The following SPTA1 variants were observed in gnomAD, a reference collection of about 807,000 sequenced individuals.
The protein encoded by SPTA1 is spectrin alpha chain, erythrocytic 1.
Under a neutral mutation model 324.7 loss-of-function variants are expected in SPTA1, and 177 were observed. The observed-to-expected ratio is 0.55, with a 90% CI of 0.48 to 0.62. SPTA1 has a LOEUF of 0.62. SPTA1 is among the 20% of genes least tolerant of loss of function. The probability of loss-of-function intolerance (pLI) is 0.00; values close to 1 mark genes in which losing one functional copy is unlikely to be tolerated. For missense variants in SPTA1, 3,162 were observed against 2,883.6 expected (o/e 1.10, Z -2.21); for synonymous variants, 1,195 against 1,041.3 (o/e 1.15, Z -2.84).
intron 24 of SPTA1, among the ~76,000 whole-genome samples, chr1:158,650,151 T>G (rs1406322756): frequency 6.6e-6 from 1 of 152,226 alleles, no homozygotes; most frequent in East Asian, 1.9e-4. Context: ...CTTCCCAAAC[T>G]GATGTTAAAG....
At chr1:158,639,550 G>T (rs1651366609) in intron 35 of SPTA1, 32 bp downstream of exon 35, 1 of 1,601,360 alleles carries the variant, frequency 6.2e-7, no homozygotes, top group Non-Finnish European at 8.6e-7. Flanking sequence ...TTTCTATTCT[G>T]CCCAGAGGAG....
intron 18 of SPTA1, among the ~76,000 whole-genome samples, chr1:158,660,484 T>C (rs1386901959): frequency 6.6e-6 from 1 of 152,186 alleles, no homozygotes; most frequent in Non-Finnish European, 1.5e-5. Flanking sequence ...CAATACTAAA[T>C]GTATATGCAT....
At chr1:158,654,250 T>C (rs1652667741) in intron 21 of SPTA1, among the ~76,000 whole-genome samples, 2 of 152,182 alleles carry the variant, frequency 1.3e-5, no homozygotes, top group African/African-American at 4.8e-5. Context: ...GACATTGTTA[T>C]TTTATCACTA....
intron 44 of SPTA1, among the ~76,000 whole-genome samples, chr1:158,619,767 T>C (rs1445602290): frequency 6.6e-6 from 1 of 152,240 alleles, no homozygotes; most frequent in Non-Finnish European, 1.5e-5. Flanking sequence ...ATGAACATTA[T>C]TAACACAGAC....
intron 3 of SPTA1, 24 bp from the exon 4 acceptor site, chr1:158,681,691 A>C (rs1352448653): frequency 6.2e-7 from 1 of 1,613,106 alleles, no homozygotes; most frequent in Non-Finnish European, 8.5e-7. Flanking sequence ...GGGCAAAACC[A>C]CTCAGCCACA....
chr1:158,646,916 G>C (rs1348674684), intron 27 of SPTA1, among the ~76,000 whole-genome samples: 1 of 152,156 alleles, frequency 6.6e-6, no homozygotes, highest in African/African-American at 2.4e-5. Context: ...ATTTTGGATT[G>C]TGATAATGTC....
At chr1:158,682,286 A>G (rs1220353926) in intron 3 of SPTA1, among the ~76,000 whole-genome samples, 3 of 152,172 alleles carry the variant, frequency 2.0e-5, no homozygotes, top group Non-Finnish European at 2.9e-5. Context: ...ATATTTTTCA[A>G]CTACTCCATT....
At position 158,634,817 on chromosome 1, in the gene SPTA1, TAATAGGTGCCTAC is replaced by T. The variant is rs551298747; in HGVS notation, c.5433-155_5433-143del. The stretch of plus-strand genomic sequence containing the variant: ...AGTTGAAGTGGGCCTCAACACAGTA[TAATAGGTGCCTAC>T]TGCTCAGTGGTGAAGATCTGCTGTG... On this transcript the variant is annotated intron_variant, in intron 38 of 51. Coordinates refer to ENST00000643759, the MANE Select transcript of SPTA1 (RefSeq NM_003126.4). 13 of 899,482 alleles carry T rather than the reference TAATAGGTGCCTAC, an allele frequency of 1.4e-5. No homozygotes were observed. In the East Asian group the frequency reaches 2.1e-4, roughly 14 times the overall value. 55.7% of individuals were successfully genotyped at this position (899,482 alleles called of 1,614,324 possible). A position where few individuals can be genotyped will look rare whatever the true frequency, so the allele number is the denominator to read the frequency against.
chr1:158,615,180 G>A, intron 48 of SPTA1, 36 bp downstream of exon 48: 1 of 1,611,518 alleles, frequency 6.2e-7, no homozygotes, highest in Non-Finnish European at 8.5e-7. Flanking sequence ...AACACCACCT[G>A]CATCCCTCCC....
rs2298799 is a variant in SPTA1 at position 158,613,686 on chromosome 1, C to G, written c.6989+35G>C. The G allele has an allele frequency of 1.1e-3, 1,725 of 1,613,312 alleles. 39 individuals are homozygous for G. In the East Asian group the frequency reaches 0.034, roughly 32 times the overall value. ...TGTGCTTCTCCCTCCAAACCCCCAT[C>G]CCTGCTGCGGTCTGACCCTTAGTCT... On this transcript the variant is annotated intron_variant, in intron 50 of 51. Transcript: ENST00000643759.
intron 27 of SPTA1, among the ~76,000 whole-genome samples, chr1:158,647,184 C>T (rs761766319): frequency 1.3e-5 from 2 of 152,076 alleles, no homozygotes; most frequent in Non-Finnish European, 2.9e-5. Flanking sequence ...CTCTGAATTC[C>T]CACTGCTGTT....
chr1:158,685,367 T>TA lies in SPTA1; in HGVS notation c.25-21_25-20insT. On this transcript the variant is annotated intron_variant, in intron 1 of 51. Coordinates refer to ENST00000643759, the MANE Select transcript of SPTA1 (RefSeq NM_003126.4). ...CACAACCTGCAAGTTAAAAAGATTC[T>TA]GTTACTTGCTAGTTCTCAAATATTT... The TA allele has an allele frequency of 6.2e-7, 1 of 1,611,818 alleles. No homozygotes were observed. Among genetic ancestry groups the TA allele is most frequent in the Non-Finnish European group, 8.5e-7 (1 of 1,179,714 alleles).
chr1:158,637,377 C>A (rs1263643558), intron 36 of SPTA1, among the ~76,000 whole-genome samples: 1 of 152,188 alleles, frequency 6.6e-6, no homozygotes, highest in Non-Finnish European at 1.5e-5. Context: ...AATAATCAAG[C>A]AGCTTTGTAG....
intron 51 of SPTA1, chr1:158,611,808 T>C (rs1649276220): frequency 5.3e-6 from 1 of 188,334 alleles, no homozygotes; most frequent in Non-Finnish European, 1.1e-5. Flanking sequence ...TGCCAGAAAG[T>C]GGTAGAGCTG....
At chr1:158,626,280 A>T in intron 41 of SPTA1, 58 bp from the exon 42 acceptor site, 1 of 1,497,028 alleles carries the variant, frequency 6.7e-7, no homozygotes, top group Non-Finnish European at 9.3e-7. Context: ...GAGTCCTGGG[A>T]AGCAGAAAAG....
chr1:158,619,457 T>C (rs1649772643), intron 44 of SPTA1, 123 bp from the exon 45 acceptor site: 14 of 913,032 alleles, frequency 1.5e-5, no homozygotes, highest in Middle Eastern at 2.1e-4. Context: ...CTTCCACAGG[T>C]ATGTGCCTGT....
At chr1:158,624,353 A>AGGGAGCAC (rs1368879858) in intron 42 of SPTA1, among the ~76,000 whole-genome samples, 50 of 152,168 alleles carry the variant, frequency 3.3e-4, no homozygotes, top group Non-Finnish European at 6.5e-4. Context: ...GGGAGGCTGT[A>AGGGAGCAC]CCCTGCAAAG....
intron 1 of SPTA1, among the ~76,000 whole-genome samples, 199 bp downstream of exon 1, chr1:158,686,295 T>A (rs1427878655): frequency 6.6e-6 from 1 of 152,228 alleles, no homozygotes; most frequent in African/African-American, 2.4e-5. Flanking sequence ...CCGACTTAAG[T>A]CATTACTGGG....
chr1:158,658,805 C>A (rs999998284), intron 18 of SPTA1, among the ~76,000 whole-genome samples: 8 of 152,080 alleles, frequency 5.3e-5, no homozygotes, highest in Non-Finnish European at 1.0e-4. Context: ...CAGCAGACTT[C>A]TTATCAGAAG....
Sources: allele counts gnomAD v4.1 joint callset (sites outside exome capture counted in the v4.1 genomes callset), GRCh38; gene constraint gnomAD v4.1.1; transcripts MANE v1.5; gene names NCBI Gene and HGNC (gene_info 2026-07-23, HGNC 2026-07-21).